KCNC2: variants seen among roughly 807,000 people sequenced by gnomAD.
The protein encoded by KCNC2 is potassium voltage-gated channel subfamily C member 2, also known as voltage-gated potassium channel KCNC2.
KCNC2 carries 21 observed loss-of-function variants against 44.5 expected under a neutral mutation model. The observed-to-expected ratio is 0.47, with a 90% CI of 0.33 to 0.68. The LOEUF is 0.68. Ranked by LOEUF, KCNC2 falls within the 30% of genes least tolerant of loss-of-function variation. The pLI is 0.01. For synonymous variants in KCNC2, 391 were observed against 339.1 expected (o/e 1.15, Z -1.68); for missense variants, 589 against 826.2 (o/e 0.71, Z 3.52).
intron 2 of KCNC2, among the ~76,000 whole-genome samples, chr12:75,133,331 A>G (rs1421235893): frequency 6.6e-6 from 1 of 151,952 alleles, no homozygotes; most frequent in Non-Finnish European, 1.5e-5. Flanking sequence ...GTTATGGATT[A>G]CCCAAATTTG....
chr12:75,061,740 C>A (rs1021171682), intron 2 of KCNC2, among the ~76,000 whole-genome samples: 12 of 152,008 alleles, frequency 7.9e-5, no homozygotes, highest in African/African-American at 2.9e-4. Context: ...GAATGCTAAT[C>A]CTAAAACTTT....
chr12:75,093,778 T>C (rs1223292158), intron 2 of KCNC2, among the ~76,000 whole-genome samples: 1 of 151,604 alleles, frequency 6.6e-6, no homozygotes, highest in African/African-American at 2.4e-5. Flanking sequence ...TTTTCAAAAA[T>C]ATTAGGACTA....
At chr12:75,178,079 CCT>C (rs1465290310) in intron 2 of KCNC2, among the ~76,000 whole-genome samples, 1 of 151,992 alleles carries the variant, frequency 6.6e-6, no homozygotes, top group Non-Finnish European at 1.5e-5. Context: ...ATTGGTTAAT[CCT>C]CTCAACTTGC....
intron 2 of KCNC2, among the ~76,000 whole-genome samples, chr12:75,155,062 C>A (rs370048098): frequency 6.6e-6 from 1 of 151,138 alleles, no homozygotes; most frequent in African/African-American, 2.4e-5. Flanking sequence ...TTGGTGCTCA[C>A]AGAAATACAG....
intron 2 of KCNC2, among the ~76,000 whole-genome samples, chr12:75,153,082 T>C (rs1890518591): frequency 6.6e-6 from 1 of 151,990 alleles, no homozygotes; most frequent in Non-Finnish European, 1.5e-5. Flanking sequence ...AAAAATACTG[T>C]ATTACTTAGT....
chr12:75,091,027 C>T (rs757900467), intron 2 of KCNC2, among the ~76,000 whole-genome samples: 31 of 151,676 alleles, frequency 2.0e-4, no homozygotes, highest in Non-Finnish European at 4.3e-4. Context: ...TGTTGCATCT[C>T]AATGCTGTAC....
intron 2 of KCNC2, among the ~76,000 whole-genome samples, chr12:75,153,069 G>GA (rs577484642): frequency 6.6e-5 from 10 of 151,620 alleles, no homozygotes; most frequent in African/African-American, 1.9e-4. Context: ...TAAATTCAGA[G>GA]AAAAAAATAC....
chr12:75,049,716 T>A (rs1371933691), intron 3 of KCNC2, among the ~76,000 whole-genome samples: 1 of 152,094 alleles, frequency 6.6e-6, no homozygotes, highest in Non-Finnish European at 1.5e-5. Context: ...AAGCAGATCA[T>A]CTATTCCCTG....
At chr12:75,189,210 G>A (rs1174701533) in intron 2 of KCNC2, among the ~76,000 whole-genome samples, 1 of 152,122 alleles carries the variant, frequency 6.6e-6, no homozygotes, top group Non-Finnish European at 1.5e-5. Flanking sequence ...TTTGTAAGAG[G>A]GATGAACCCT....
intron 4 of KCNC2, among the ~76,000 whole-genome samples, chr12:75,044,264 A>G (rs1187929143): frequency 6.6e-6 from 1 of 152,034 alleles, no homozygotes; most frequent in African/African-American, 2.4e-5. Flanking sequence ...GGAGATGAAT[A>G]TTCTGACAGC....
At chr12:75,160,186 T>A (rs1048021875) in intron 2 of KCNC2, among the ~76,000 whole-genome samples, 2 of 151,714 alleles carry the variant, frequency 1.3e-5, no homozygotes, top group African/African-American at 4.8e-5. Flanking sequence ...GCCACCCTTA[T>A]AAGAAGAAGA....
intron 2 of KCNC2, among the ~76,000 whole-genome samples, chr12:75,057,292 G>A (rs1030664683): frequency 9.9e-5 from 15 of 150,940 alleles, no homozygotes; most frequent in South Asian, 6.3e-4. Flanking sequence ...CATAATTAAC[G>A]AGTTTGTTGT....
chr12:75,164,494 A>T (rs1891319508), intron 2 of KCNC2, among the ~76,000 whole-genome samples: 1 of 151,686 alleles, frequency 6.6e-6, no homozygotes, highest in African/African-American at 2.4e-5. Flanking sequence ...CATATTTCTG[A>T]TACTTTGCCA....
At chr12:75,074,382 C>T (rs17114580) in intron 2 of KCNC2, among the ~76,000 whole-genome samples, 2,666 of 151,782 alleles carry the variant, frequency 0.018, 115 homozygotes, top group East Asian at 0.15. Flanking sequence ...TAGAAGAAAA[C>T]GGTCAAAGTT....
At chr12:75,181,128 A>T (rs769806221) in intron 2 of KCNC2, among the ~76,000 whole-genome samples, 6 of 152,182 alleles carry the variant, frequency 3.9e-5, no homozygotes, top group Non-Finnish European at 8.8e-5. Flanking sequence ...TAGGATTCTC[A>T]TGGAAATGGA....
intron 2 of KCNC2, among the ~76,000 whole-genome samples, chr12:75,133,225 A>G (rs73355618): frequency 0.14 from 21,134 of 151,868 alleles, 1,676 homozygotes; most frequent in Middle Eastern, 0.26. Flanking sequence ...TGATAGCACA[A>G]TGGGAAGACT....
At chr12:75,071,286 C>G (rs1592803028) in intron 2 of KCNC2, among the ~76,000 whole-genome samples, 1 of 152,116 alleles carries the variant, frequency 6.6e-6, no homozygotes, top group East Asian at 1.9e-4. Flanking sequence ...CCCTACATGA[C>G]AGCCTTACTT....
Position 75,207,260 on chromosome 12 carries a change from G to T in KCNC2, c.687+37C>A. 2 of 1,510,196 alleles carry T rather than the reference G, an allele frequency of 1.3e-6. No individual in the cohort carries two copies. The highest frequency in any genetic ancestry group is 1.8e-6 in the Non-Finnish European group (2 of 1,133,256). The allele number at this position is 1,510,196 out of a possible 1,614,324, so 93.5% of individuals were successfully genotyped here. A position where few individuals can be genotyped will look rare whatever the true frequency, so the allele number is the denominator to read the frequency against. ...AAAGTTGGGGAGGGAGTTGGGAGAA[G>T]TTGAAGCAGCAGGGAAGGGGTCGAT... On this transcript the variant is annotated intron_variant, in intron 2 of 4. Transcript: ENST00000549446. This position sits in a 1 kb window ranked among gnomAD's most constrained non-coding sequence, Gnocchi z 4.1.
chr12:75,110,266 T>A (rs1330705368), intron 2 of KCNC2, among the ~76,000 whole-genome samples: 2 of 152,116 alleles, frequency 1.3e-5, no homozygotes, highest in Non-Finnish European at 2.9e-5. Flanking sequence ...TCTGAATTCC[T>A]TAAATGAGGT....
Sources: gnomAD v4.1 joint callset for allele counts (sites outside exome capture counted in the v4.1 genomes callset) on GRCh38, gnomAD v4.1.1 for gene constraint, Gnocchi (gnomAD v3.1) non-coding constraint, MANE v1.5 for transcripts, NCBI Gene and HGNC (gene_info 2026-07-23, HGNC 2026-07-21) for gene names.